The following PPP6R3 variants were observed in gnomAD, a reference collection of about 807,000 sequenced individuals.
The protein encoded by PPP6R3 is protein phosphatase 6 regulatory subunit 3.
In PPP6R3, 38 loss-of-function variants were observed where a neutral mutation model predicts 110.7. That is an observed-to-expected ratio of 0.34 (90% CI 0.26 to 0.45). The LOEUF (loss-of-function observed/expected upper bound fraction) is 0.45. Ranked by LOEUF, PPP6R3 falls within the 20% of genes least tolerant of loss-of-function variation. The probability of loss-of-function intolerance (pLI) is 1.00; values close to 1 mark genes in which losing one functional copy is unlikely to be tolerated. For missense variants in PPP6R3, 870 were observed against 1,062.4 expected (o/e 0.82, Z 2.52); for synonymous variants, 369 against 373.5 (o/e 0.99, Z 0.14).
At chr11:68,536,581 C>T (rs548622377) in intron 2 of PPP6R3, among the ~76,000 whole-genome samples, 1 of 152,280 alleles carries the variant, frequency 6.6e-6, no homozygotes, top group East Asian at 1.9e-4. Context: ...ATACATACTT[C>T]TAAAAATGTG....
intron 1 of PPP6R3, among the ~76,000 whole-genome samples, chr11:68,502,100 C>T (rs1445786866): frequency 6.6e-6 from 1 of 152,128 alleles, no homozygotes; most frequent in Non-Finnish European, 1.5e-5. Context: ...TGCTGGTACC[C>T]TCATGAAATG....
rs1165206177 is a variant in PPP6R3 at position 68,613,248 on chromosome 11, TTATATTC to T, written c.*134_*140del. ...TGCAAGGGATCAGGACCAGCAACCT[TTATATTC>T]TAGATTCTAAGACATTGTACAGAGA... On this transcript the variant is annotated 3_prime_UTR_variant, in exon 24 of 24. Coordinates refer to ENST00000393800, the MANE Select transcript of PPP6R3 (RefSeq NM_001164161.2). 11 of 1,441,824 alleles carry T rather than the reference TTATATTC, an allele frequency of 7.6e-6. No homozygotes were observed. Among genetic ancestry groups the T allele is most frequent in the Non-Finnish European group, 1.0e-5 (11 of 1,099,604 alleles). The allele number at this position is 1,441,824 out of a possible 1,614,324, so 89.3% of individuals were successfully genotyped here. A position where few individuals can be genotyped will look rare whatever the true frequency, so the allele number is the denominator to read the frequency against.
chr11:68,550,901 G>A (rs1194206034), intron 5 of PPP6R3: 1 of 466,736 alleles, frequency 2.1e-6, no homozygotes, highest in African/African-American at 2.0e-5. Context: ...TGTGGGTATT[G>A]TAATTTGGGG....
chr11:68,514,416 A>G (rs1316110898), intron 1 of PPP6R3, among the ~76,000 whole-genome samples: 1 of 151,480 alleles, frequency 6.6e-6, no homozygotes, highest in Non-Finnish European at 1.5e-5. Context: ...TTTCTTTATG[A>G]ATGTAGTTTG....
At chr11:68,609,320 C>T (rs919559036) in intron 22 of PPP6R3, among the ~76,000 whole-genome samples, 8 of 152,220 alleles carry the variant, frequency 5.3e-5, no homozygotes, top group African/African-American at 1.9e-4. Flanking sequence ...GAGGGCAACT[C>T]GAGGAGCCGT....
At chr11:68,559,833 G>A (rs1245786324) in intron 8 of PPP6R3, among the ~76,000 whole-genome samples, 2 of 137,136 alleles carry the variant, frequency 1.5e-5, no homozygotes, top group Middle Eastern at 3.5e-3. Flanking sequence ...CCACCCCAGC[G>A]GTACGGTGCC....
chr11:68,466,066 A>G (rs1007012487), intron 1 of PPP6R3, among the ~76,000 whole-genome samples: 2 of 152,162 alleles, frequency 1.3e-5, no homozygotes, highest in East Asian at 3.8e-4. Context: ...ACCCGTCCGA[A>G]GCTTGCTGTA....
chr11:68,480,540 C>G (rs955446736), intron 1 of PPP6R3, among the ~76,000 whole-genome samples: 19 of 152,198 alleles, frequency 1.2e-4, no homozygotes, highest in African/African-American at 4.6e-4. Flanking sequence ...ATCAGCCTAG[C>G]TTTGCATTTA....
At chr11:68,575,767 T>C (rs981551854) in intron 13 of PPP6R3, among the ~76,000 whole-genome samples, 191 bp from the exon 14 acceptor site, 2 of 152,226 alleles carry the variant, frequency 1.3e-5, no homozygotes, top group African/African-American at 4.8e-5. Flanking sequence ...GATTTGGGCC[T>C]ATGGAAGGTT....
intron 1 of PPP6R3, among the ~76,000 whole-genome samples, chr11:68,498,368 C>T (rs1320223621): frequency 6.6e-6 from 1 of 152,120 alleles, no homozygotes; most frequent in Non-Finnish European, 1.5e-5. Flanking sequence ...CCCCATTTCC[C>T]ACTTCTCTTC....
rs567832582 is a variant in PPP6R3 at position 68,553,306 on chromosome 11, T to C, written c.619-839T>C. Among the ~76,000 whole-genome samples, 109 of 152,124 alleles carry C rather than the reference T, an allele frequency of 7.2e-4. 4 individuals are homozygous for C. The South Asian group carries it at 0.022, about 31-fold the overall frequency. ...TATTTGCTTTTACTTTTTTTTTTTT[T>C]TTTTGAGACGGAGTTTCGCTTTTGT... On this transcript the variant is annotated intron_variant, in intron 6 of 23. Transcript: ENST00000393800.
intron 6 of PPP6R3, 100 bp downstream of exon 6, chr11:68,551,286 G>A (rs2099373502): frequency 4.7e-6 from 4 of 849,062 alleles, no homozygotes; most frequent in Non-Finnish European, 7.5e-6. Flanking sequence ...AACATGATCA[G>A]AGCATACAGG....
intron 21 of PPP6R3, 44 bp downstream of exon 21, chr11:68,602,013 G>A (rs779880899): frequency 2.0e-6 from 3 of 1,481,036 alleles, no homozygotes; most frequent in South Asian, 2.4e-5. Context: ...TCACGTGGCT[G>A]CTTTGTCAAA....
chr11:68,606,786 T>G (rs551775441), intron 22 of PPP6R3, among the ~76,000 whole-genome samples: 2 of 152,186 alleles, frequency 1.3e-5, no homozygotes, highest in African/African-American at 4.8e-5. Flanking sequence ...AATAGAGTTA[T>G]AGGTAAAGAT....
chr11:68,576,927 G>A (rs902708689), intron 14 of PPP6R3, among the ~76,000 whole-genome samples: 1 of 152,212 alleles, frequency 6.6e-6, no homozygotes, highest in African/African-American at 2.4e-5. Flanking sequence ...TGGTCCTCCT[G>A]TGTCACTCCC....
chr11:68,479,549 T>A (rs1565300768), intron 1 of PPP6R3, among the ~76,000 whole-genome samples: 1 of 152,204 alleles, frequency 6.6e-6, no homozygotes, highest in Non-Finnish European at 1.5e-5. Context: ...AGCACTTTCA[T>A]CTTCTTTTTC....
chr11:68,549,284 T>C (rs1350496279), intron 5 of PPP6R3, among the ~76,000 whole-genome samples: 1 of 152,246 alleles, frequency 6.6e-6, no homozygotes, highest in African/African-American at 2.4e-5. Context: ...AACTTACTCA[T>C]TTCTTTGGAA....
intron 17 of PPP6R3, among the ~76,000 whole-genome samples, chr11:68,590,922 T>C (rs1267602797): frequency 6.6e-6 from 1 of 152,194 alleles, no homozygotes; most frequent in African/African-American, 2.4e-5. Context: ...GTGGAGCTAA[T>C]AAGACCAGGG....
chr11:68,531,454 C>T (rs776069007), intron 2 of PPP6R3, among the ~76,000 whole-genome samples: 4 of 152,060 alleles, frequency 2.6e-5, no homozygotes, highest in Admixed American at 6.6e-5. Context: ...TCTCCCACCT[C>T]AGCCTCCCGA....
Sources: allele counts gnomAD v4.1 joint callset (sites outside exome capture counted in the v4.1 genomes callset), GRCh38; gene constraint gnomAD v4.1.1; transcripts MANE v1.5; gene names NCBI Gene and HGNC (gene_info 2026-07-23, HGNC 2026-07-21).